VPS8: variants seen among roughly 807,000 people sequenced by gnomAD.
VPS8 encodes VPS8 subunit of CORVET complex.
VPS8 carries 129 observed loss-of-function variants against 216.4 expected under a neutral mutation model. That is an observed-to-expected ratio of 0.60 (90% CI 0.52 to 0.69). The LOEUF (loss-of-function observed/expected upper bound fraction) is 0.69, where lower values mean the gene tolerates loss of function less well. Among genes scored for constraint, VPS8 ranks in the 30% least tolerant of loss-of-function variants. The pLI is 0.00. For synonymous variants in VPS8, 571 were observed against 565.4 expected, an observed-to-expected ratio of 1.01 and a Z score of -0.14; for missense variants, 1,531 against 1,683.5, an observed-to-expected ratio of 0.91 and a Z score of 1.59.
At chr3:184,868,903 G>C (rs753413052) in intron 18 of VPS8, 43 bp from the exon 19 acceptor site, 2 of 1,541,342 alleles carry the variant, frequency 1.3e-6, no homozygotes, top group South Asian at 2.4e-5. Context: ...ACTGGTGACT[G>C]GTCAGACAAA....
rs374246147 is a variant in VPS8 at position 184,853,944 on chromosome 3, T to C, written c.909T>C (p.Ser303=). The C allele has an allele frequency of 1.2e-6, 2 of 1,613,354 alleles. No individual in the cohort carries two copies. Among genetic ancestry groups the C allele is most frequent in the Non-Finnish European group, 1.7e-6 (2 of 1,179,708 alleles). Residue 303 remains serine (S), a synonymous_variant, in exon 12 of 48, where the codon TCT becomes TCC. Coordinates refer to ENST00000625842, the MANE Select transcript of VPS8 (RefSeq NM_001009921.3). ...TCTGCTGTATTGAGCCTCTGCATTC[T>C]AAGCCTGAGTTGAAAGATCATCCCA... The part of the protein sequence containing the change: ...GEVCCIEPLH[S]KPELKDHPIT...
Position 184,862,946 on chromosome 3 carries a change from A to T in VPS8, c.1274A>T (p.His425Leu). 6.2e-7 allele frequency: 1 copy of T among 1,613,954 alleles called. No individual in the cohort carries two copies. Among genetic ancestry groups the T allele is most frequent in the Non-Finnish European group, 8.5e-7 (1 of 1,179,828 alleles). The change falls in exon 16 of 48, where the codon CAT (histidine) becomes CTT (leucine). Residue 425 changes from histidine (H) to leucine (L), a missense_variant. This residue lies in a region of VPS8 where 1,318 missense variants were observed against 1,468.4 expected (regional missense o/e 0.90). Transcript: ENST00000625842. ...CTCTTAGACAGCGTAGAGAAGTTGCATGTGATTGATCGGCAAACACAAGAG... is the reference window on the plus strand; with the variant it reads ...CTCTTAGACAGCGTAGAGAAGTTGCTTGTGATTGATCGGCAAACACAAGAG... ...VVLLDSVEKLHVIDRQTQEEL... is the reference protein window; with the variant it reads ...VVLLDSVEKLLVIDRQTQEEL...
chr3:184,964,615 G>T, intron 38 of VPS8, 58 bp downstream of exon 38: 1 of 1,139,918 alleles, frequency 8.8e-7, no homozygotes, highest in South Asian at 2.0e-5. Context: ...ATTCATTCAT[G>T]AATCCATCTT....
chr3:184,901,203 C>G lies in VPS8; in HGVS notation c.2146+231C>G, dbSNP rs1734422253. On this transcript the variant is annotated intron_variant, in intron 25 of 47. Coordinates refer to ENST00000625842, the MANE Select transcript of VPS8 (RefSeq NM_001009921.3). ...CCCACAGCCCTGCTCTGGGCAGTCACTGATCTACTTTCTGTCACTATACTT... is the reference window on the plus strand; with the variant it reads ...CCCACAGCCCTGCTCTGGGCAGTCAGTGATCTACTTTCTGTCACTATACTT... 1.9e-5 allele frequency: 9 copies of G among 464,870 alleles called. No homozygotes were observed. The East Asian group carries it at 3.3e-4, about 17-fold the overall frequency. The allele number at this position is 464,870 out of a possible 1,614,324, so 28.8% of individuals were successfully genotyped here. A position where few individuals can be genotyped will look rare whatever the true frequency, so the allele number is the denominator to read the frequency against.
At chr3:184,873,200 G>GAGTGA (rs1200534666) in intron 21 of VPS8, among the ~76,000 whole-genome samples, 1 of 152,130 alleles carries the variant, frequency 6.6e-6, no homozygotes, top group Non-Finnish European at 1.5e-5. Context: ...AGGCTTAGAG[G>GAGTGA]AGTGAAGTGA....
chr3:185,033,747 G>A (rs1758499627), intron 46 of VPS8, among the ~76,000 whole-genome samples: 1 of 152,208 alleles, frequency 6.6e-6, no homozygotes, highest in Middle Eastern at 3.2e-3. Context: ...AGCAATGAAT[G>A]AGAGTTCCTA....
intron 46 of VPS8, among the ~76,000 whole-genome samples, chr3:185,030,898 G>A (rs1478592435): frequency 1.3e-5 from 2 of 151,924 alleles, no homozygotes; most frequent in Non-Finnish European, 2.9e-5. Flanking sequence ...GAGTAATTGG[G>A]ATTATAGGCA....
intron 45 of VPS8, among the ~76,000 whole-genome samples, chr3:185,000,127 C>T (rs773786242): frequency 6.6e-6 from 1 of 152,208 alleles, no homozygotes; most frequent in Non-Finnish European, 1.5e-5. Flanking sequence ...GGTGTACACA[C>T]ATGAGCCTGC....
At position 184,820,195 on chromosome 3, in the gene VPS8, C is replaced by G. The variant is rs138550867; in HGVS notation, c.-88-4350C>G. On this transcript the variant is annotated intron_variant, in intron 1 of 47. Coordinates refer to ENST00000625842, the MANE Select transcript of VPS8 (RefSeq NM_001009921.3). ...ATTTATTTTACAGTTCAGTACTTCA[C>G]AAGTCTCACCCCAGTCTCACTAAAA... Among the ~76,000 whole-genome samples the G allele has an allele frequency of 8.5e-5, 13 of 152,318 alleles. No homozygotes were observed. The East Asian group carries it at 2.5e-3, about 29-fold the overall frequency.
At chr3:184,914,662 C>T (rs749113572) in intron 26 of VPS8, among the ~76,000 whole-genome samples, 4 of 152,202 alleles carry the variant, frequency 2.6e-5, no homozygotes, top group Admixed American at 6.5e-5. Flanking sequence ...TCTTTCTAGA[C>T]GCTGGGTATG....
At chr3:184,975,696 A>G (rs1749145385) in intron 40 of VPS8, among the ~76,000 whole-genome samples, 1 of 151,992 alleles carries the variant, frequency 6.6e-6, no homozygotes. Context: ...TTTGTTATAT[A>G]TGGCCTTTAT....
intron 39 of VPS8, among the ~76,000 whole-genome samples, chr3:184,967,382 T>C (rs545503880): frequency 2.6e-5 from 4 of 152,354 alleles, no homozygotes; most frequent in Admixed American, 2.6e-4. Flanking sequence ...TCAGAGCTTC[T>C]AATTAGTAGG....
intron 23 of VPS8, among the ~76,000 whole-genome samples, chr3:184,896,648 G>A (rs4686865): frequency 0.071 from 10,731 of 152,064 alleles, 462 homozygotes; most frequent in Non-Finnish European, 0.092. Context: ...GCATTTGTTC[G>A]TTAATTCAAG....
At chr3:184,922,033 C>A (rs952046378) in intron 29 of VPS8, among the ~76,000 whole-genome samples, 5 of 151,732 alleles carry the variant, frequency 3.3e-5, no homozygotes, top group Non-Finnish European at 7.4e-5. Context: ...CGTCATCCTA[C>A]CCCACACACC....
In VPS8 at chr3:184,950,216, C is replaced by CTTTTTTTTTTTTTTTTTTT. The variant is rs10700220; in HGVS notation, c.3036-7148_3036-7130dup. ...AGCAACCACGCCCAGCAGTTTTCTG[C>CTTTTTTTTTTTTTTTTTTT]TTTTTTTTTTTTTTTTTTTTTTTTT... On this transcript the variant is annotated intron_variant, in intron 36 of 47. Transcript: ENST00000625842. Among the ~76,000 whole-genome samples, 9 of 39,928 alleles carry CTTTTTTTTTTTTTTTTTTT rather than the reference C, an allele frequency of 2.3e-4. 2 individuals carry two copies. Among genetic ancestry groups the CTTTTTTTTTTTTTTTTTTT allele is most frequent in the Non-Finnish European group, 3.7e-4 (9 of 24,118 alleles). The allele number at this position is 39,928 out of a possible 152,430, so 26.2% of individuals were successfully genotyped here. A position where few individuals can be genotyped will look rare whatever the true frequency, so the allele number is the denominator to read the frequency against.
intron 31 of VPS8, among the ~76,000 whole-genome samples, chr3:184,927,307 G>A (rs1739837958): frequency 6.6e-6 from 1 of 152,144 alleles, no homozygotes; most frequent in Admixed American, 6.5e-5. Flanking sequence ...TACCATGAGA[G>A]CTGTGCTGAA....
intron 25 of VPS8, among the ~76,000 whole-genome samples, chr3:184,905,646 G>A (rs1202798542): frequency 6.8e-6 from 1 of 147,366 alleles, no homozygotes; most frequent in Non-Finnish European, 1.5e-5. Flanking sequence ...TGACAGAACA[G>A]GAAAATATTT....
rs557414287 is a variant in VPS8 at position 184,986,972 on chromosome 3, C to G, written c.3585+3878C>G. Among the ~76,000 whole-genome samples the G allele has an allele frequency of 7.9e-5, 12 of 152,102 alleles. 1 individual carries two copies. In the South Asian group the frequency reaches 2.1e-3, roughly 26 times the overall value. ...GTCCATAGTTTACATTAGCAATCAC[C>G]CTTTGTGTTGTACAGTTGTATGGGT... On this transcript the variant is annotated intron_variant, in intron 42 of 47. Coordinates refer to ENST00000625842, the MANE Select transcript of VPS8 (RefSeq NM_001009921.3).
At chr3:185,012,809 A>G (rs1755208674) in intron 45 of VPS8, among the ~76,000 whole-genome samples, 2 of 152,240 alleles carry the variant, frequency 1.3e-5, no homozygotes, top group African/African-American at 4.8e-5. Flanking sequence ...TAGAGGAATT[A>G]GACACACACA....
Sources: allele counts gnomAD v4.1 joint callset (sites outside exome capture counted in the v4.1 genomes callset), GRCh38; gene constraint gnomAD v4.1.1; regional missense constraint gnomAD v4.1.1; transcripts MANE v1.5; gene names NCBI Gene and HGNC (gene_info 2026-07-23, HGNC 2026-07-21).